Variants in NCAN observed in about 807,000 individuals in gnomAD.
NCAN encodes neurocan core protein.
A neutral mutation model predicts 121.8 loss-of-function variants in NCAN; 47 were observed. That is an observed-to-expected ratio of 0.39 (90% CI 0.31 to 0.49). The LOEUF (loss-of-function observed/expected upper bound fraction) is 0.49. Among genes scored for constraint, NCAN ranks in the 20% least tolerant of loss-of-function variants. The pLI is 0.92. For synonymous variants in NCAN, 633 were observed against 702.0 expected, an observed-to-expected ratio of 0.90 and a Z score of 1.55; for missense variants, 1,517 against 1,773.4, an observed-to-expected ratio of 0.86 and a Z score of 2.60.
At position 19,240,701 on chromosome 19, in the gene NCAN, TGCGGGCCTAGGCTGCTGA is replaced by T. The variant is rs772675888; in HGVS notation, c.3492+19_3492+36del. ...CACCGGGCTGGTGAGTGGCAGGGGC[TGCGGGCCTAGGCTGCTGA>T]GCCACATCAGCCCTGCCATCTGGCC... On this transcript the variant is annotated intron_variant, in intron 12 of 14. Transcript: ENST00000252575. 1.2e-6 allele frequency: 2 copies of T among 1,612,998 alleles called. No homozygotes were observed. Among genetic ancestry groups the T allele is most frequent in the Admixed American group, 3.3e-5 (2 of 60,020 alleles).
At chr19:19,223,985 G>A (rs1178334772) in intron 3 of NCAN, 36 bp from the exon 4 acceptor site, 2 of 1,493,396 alleles carry the variant, frequency 1.3e-6, no homozygotes, top group Admixed American at 2.2e-5. Context: ...TCCAGCATAA[G>A]TCAACTGTCC....
At chr19:19,239,575 C>G (rs1008432841) in intron 11 of NCAN, among the ~76,000 whole-genome samples, 14 of 120,952 alleles carry the variant, frequency 1.2e-4, no homozygotes, top group African/African-American at 4.0e-4. Context: ...CATCCTCCCT[C>G]CCCTCCTCCC....
At chr19:19,224,623 G>A (rs1176770830) in intron 5 of NCAN, among the ~76,000 whole-genome samples, 190 bp downstream of exon 5, 4 of 119,850 alleles carry the variant, frequency 3.3e-5, no homozygotes, top group Non-Finnish European at 7.1e-5. Context: ...CCCTCCCTTT[G>A]CCCCCTTCCT....
intron 12 of NCAN, among the ~76,000 whole-genome samples, chr19:19,242,699 C>G (rs1367119166): frequency 6.6e-6 from 1 of 152,108 alleles, no homozygotes; most frequent in Non-Finnish European, 1.5e-5. Context: ...AAAAAACAAA[C>G]AAACAAACAA....
chr19:19,228,783 G>A, intron 8 of NCAN, 144 bp downstream of exon 8: 1 of 919,868 alleles, frequency 1.1e-6, no homozygotes, highest in East Asian at 2.7e-5. Context: ...GGAGGTAGGA[G>A]CTTATCAGGT....
rs552801815 is a variant in NCAN at position 19,222,914 on chromosome 19, C to T, written c.476-1107C>T. Among the ~76,000 whole-genome samples the T allele has an allele frequency of 1.9e-4, 29 of 152,182 alleles. No homozygotes were observed. The East Asian group carries it at 5.4e-3, about 28-fold the overall frequency. ...ACGAGGTCAGGAGATCAAGACCATC[C>T]TGGCTAACATGGTGAAACCCCATCT... is the stretch of plus-strand genomic sequence containing the variant. On this transcript the variant is annotated intron_variant, in intron 3 of 14. Transcript: ENST00000252575.
rs111534277 is a variant in NCAN at position 19,227,617 on chromosome 19, C to T, written c.1997C>T (p.Thr666Met). The T allele has an allele frequency of 6.4e-5, 103 of 1,613,910 alleles. No homozygotes were observed. The African/African-American group carries it at 9.1e-4, about 14-fold the overall frequency. The change falls in exon 8 of 15, where the codon ACG becomes ATG. Residue 666 changes from threonine to methionine, a missense_variant. Coordinates refer to ENST00000252575, the MANE Select transcript of NCAN (RefSeq NM_004386.3). The surrounding 1 kb of genome is among the most constrained non-coding windows in gnomAD (Gnocchi z 4.2). ...GAGGCACATGGTGAGGCCACCGCCA[C>T]GGCTCCACCCTCCCCTGCTGCAGAG... ...RVEAHGEATA[T>M]APPSPAAETK...
intron 13 of NCAN, among the ~76,000 whole-genome samples, chr19:19,246,396 T>G (rs1427684452): frequency 6.6e-6 from 1 of 152,236 alleles, no homozygotes; most frequent in Non-Finnish European, 1.5e-5. Flanking sequence ...CACCAGCGTA[T>G]GAGAGTGCTT....
chr19:19,216,807 T>G, intron 1 of NCAN, 140 bp from the exon 2 acceptor site: 1 of 468,876 alleles, frequency 2.1e-6, no homozygotes. Context: ...TGGCTCCTTC[T>G]GTGACCTAGA....
chr19:19,226,444 A>C (rs1280874974), intron 6 of NCAN, 42 bp from the exon 7 acceptor site: 2 of 1,458,828 alleles, frequency 1.4e-6, no homozygotes, highest in East Asian at 4.6e-5. Context: ...CTTCCCAGGC[A>C]ACCCCTGGGC....
chr19:19,227,683 G>A lies in NCAN; in HGVS notation c.2063G>A (p.Gly688Glu). ...CTGCCTCTCTCTTTGACCCCAACAG[G>A]ACAGGGTGGAGAGGCCATGCCCACA... ...YSLPLSLTPT[G>E]QGGEAMPTTP... is the part of the protein sequence containing the mutation. The change falls in exon 8 of 15, where the codon GGA (glycine) becomes GAA (glutamate). Residue 688 changes from glycine to glutamate, a missense_variant. Gly to Glu is a moderately conservative substitution (Grantham distance 98). Coordinates refer to ENST00000252575, the MANE Select transcript of NCAN (RefSeq NM_004386.3). This position sits in a 1 kb window ranked among gnomAD's most constrained non-coding sequence, Gnocchi z 4.2. The A allele has an allele frequency of 6.2e-7, 1 of 1,614,002 alleles. No homozygotes were observed. The highest frequency in any genetic ancestry group is 1.3e-5 in the African/African-American group (1 of 75,026).
rs1007291243 is a variant in NCAN, at chr19:19,213,882, C to T, written c.-8+1818C>T. On this transcript the variant is annotated intron_variant, in intron 1 of 14. Transcript: ENST00000252575. ...GGAGTTCCACATTCACACCCATGCA[C>T]ACTAATACACCCTGACTCTCAGGTC... Among the ~76,000 whole-genome samples, 29 of 152,174 alleles carry T rather than the reference C, an allele frequency of 1.9e-4. 1 individual carries two copies. Among genetic ancestry groups the T allele is most frequent in the Non-Finnish European group, 2.9e-5 (2 of 68,024 alleles).
At chr19:19,232,814 T>TA (rs1183939182) in intron 8 of NCAN, 1 of 152,146 alleles carries the variant, frequency 6.6e-6, no homozygotes, top group Non-Finnish European at 1.5e-5. Flanking sequence ...TAGGGAAAGA[T>TA]ACAGACAAGA....
chr19:19,219,125 T>G lies in NCAN; in HGVS notation c.284T>G (p.Val95Gly). 6.2e-7 allele frequency: 1 copy of G among 1,613,570 alleles called. No homozygotes were observed. The highest frequency in any genetic ancestry group is 8.5e-7 in the Non-Finnish European group (1 of 1,179,692). ...CAGCGACAGGACTTGCCCATCCTGG[T>G]GGCCAAGGACAATGTCGTGAGGGTG... Reference protein sequence around the residue: ...SGQRQDLPILVAKDNVVRVAK... With the variant: ...SGQRQDLPILGAKDNVVRVAK... The change falls in exon 3 of 15, where the codon GTG (valine) becomes GGG (glycine). Residue 95 changes from valine to glycine, a missense_variant. By Grantham distance (109) the Val-to-Gly change is moderately radical (BLOSUM62 -3). Transcript: ENST00000252575.
rs767960740 is a variant in NCAN, at chr19:19,225,188, G to T, written c.990G>T (p.Pro330=). The stretch of plus-strand genomic sequence containing the variant: ...GCCGGCGCTGCGGGGGCCCAGCCCC[G>T]GGCGTGCGCACCGTCTACCGCTTCG... ...TPRRRCGGPA[P]GVRTVYRFAN... The change falls in exon 6 of 15, where the codon CCG becomes CCT. Residue 330 remains proline, a synonymous_variant. Transcript: ENST00000252575. The surrounding 1 kb of genome is among the most constrained non-coding windows in gnomAD (Gnocchi z 4.0). The T allele has an allele frequency of 2.6e-6, 4 of 1,553,064 alleles. No individual in the cohort carries two copies. The South Asian group carries it at 3.5e-5, about 14-fold the overall frequency.
chr19:19,240,559 G>C, intron 11 of NCAN, 44 bp from the exon 12 acceptor site: 1 of 1,600,596 alleles, frequency 6.2e-7, no homozygotes, highest in Non-Finnish European at 8.6e-7. Flanking sequence ...TGGGCCAGGA[G>C]AGGCATGGGT....
At chr19:19,242,625 G>C (rs2060907835) in intron 12 of NCAN, among the ~76,000 whole-genome samples, 1 of 151,984 alleles carries the variant, frequency 6.6e-6, no homozygotes, top group African/African-American at 2.4e-5. Context: ...GAAGGCGTAG[G>C]TTGCAGTGAG....
In NCAN at chr19:19,228,070, G is replaced by A. The variant is rs1472799171; in HGVS notation, c.2450G>A (p.Trp817Ter). Reference protein sequence around the residue: ...VPKVTPNLEPWVATDEGPTVN... With the variant: ...VPKVTPNLEP ...AAAGTCACCCCAAATTTGGAGCCTT[G>A]GGTTGCTACAGATGAAGGACCCACT... The change falls in exon 8 of 15, where the codon TGG becomes TAG. Residue 817 changes from tryptophan (W) to a stop codon, truncating the protein, a stop_gained. Coordinates refer to ENST00000252575, the MANE Select transcript of NCAN (RefSeq NM_004386.3). LOFTEE classifies it high-confidence loss of function. 6.2e-7 allele frequency: 1 copy of A among 1,613,546 alleles called. No individual in the cohort carries two copies.
At chr19:19,238,434 C>T in intron 11 of NCAN, 23 bp downstream of exon 11, 4 of 1,613,818 alleles carry the variant, frequency 2.5e-6, no homozygotes, top group Non-Finnish European at 3.4e-6. Flanking sequence ...GGGAGGGGGC[C>T]ACCTGCCTGG....
Sources: gnomAD v4.1 joint callset for allele counts (sites outside exome capture counted in the v4.1 genomes callset) on GRCh38, gnomAD v4.1.1 for gene constraint, Gnocchi (gnomAD v3.1) non-coding constraint, MANE v1.5 for transcripts, NCBI Gene and HGNC (gene_info 2026-07-23, HGNC 2026-07-21) for gene names.